SMAD2: variants seen among roughly 807,000 people sequenced by gnomAD.
The protein encoded by SMAD2 is SMAD family member 2, also known as MAD homolog 2.
A neutral mutation model predicts 64.4 loss-of-function variants in SMAD2; 8 were observed. That is an observed-to-expected ratio of 0.12 (90% CI 0.07 to 0.22). The LOEUF (loss-of-function observed/expected upper bound fraction) is 0.22. Among genes scored for constraint, SMAD2 ranks in the 10% least tolerant of loss-of-function variants. The pLI, the probability that SMAD2 is intolerant of heterozygous loss-of-function variation, is 1.00. For synonymous variants in SMAD2, 203 were observed against 195.8 expected (o/e 1.04, Z -0.31); for missense variants, 289 against 561.2 (o/e 0.51, Z 4.90).
chr18:47,850,669 A>G (rs1485620170), intron 7 of SMAD2, among the ~76,000 whole-genome samples: 2 of 28,302 alleles, frequency 7.1e-5, no homozygotes, highest in Non-Finnish European at 1.1e-4. Flanking sequence ...TATATACTAT[A>G]TATATATTAT....
At position 47,835,425 on chromosome 18, in the gene SMAD2, G is replaced by GT; in HGVS notation, c.*6401dup. On this transcript the variant is annotated 3_prime_UTR_variant, in exon 11 of 11. Coordinates refer to ENST00000262160, the MANE Select transcript of SMAD2 (RefSeq NM_005901.6). Reference sequence around the variant, plus strand: ...ATATTCACCAGAAAAGGATCCTCCTGTTTCTCATCAAATTTTTTTTCAGCT... The same window carrying GT: ...ATATTCACCAGAAAAGGATCCTCCTGTTTTCTCATCAAATTTTTTTTCAGCT... 1 of 201,778 alleles carries GT rather than the reference G, an allele frequency of 5.0e-6. No homozygotes were observed. Among genetic ancestry groups the GT allele is most frequent in the Non-Finnish European group, 1.0e-5 (1 of 98,058 alleles). 12.5% of individuals were successfully genotyped at this position (201,778 alleles called of 1,614,324 possible).
intron 1 of SMAD2, among the ~76,000 whole-genome samples, chr18:47,913,643 G>A (rs2034227003): frequency 6.6e-6 from 1 of 152,164 alleles, no homozygotes; most frequent in South Asian, 2.1e-4. Context: ...TTTTTGAAGT[G>A]TAAATAGACT....
intron 10 of SMAD2, among the ~76,000 whole-genome samples, chr18:47,843,397 C>A (rs1261150392): frequency 6.6e-6 from 1 of 152,154 alleles, no homozygotes; most frequent in African/African-American, 2.4e-5. Context: ...CCCTGTCCCA[C>A]TTCCCTTTCT....
chr18:47,845,266 C>T (rs748716515), intron 10 of SMAD2, 74 bp downstream of exon 10: 3 of 1,387,784 alleles, frequency 2.2e-6, no homozygotes, highest in Non-Finnish European at 3.1e-6. Flanking sequence ...TACAAATGAA[C>T]TCCAGAATAT....
chr18:47,842,983 T>G (rs1914119796), intron 10 of SMAD2, among the ~76,000 whole-genome samples: 1 of 152,188 alleles, frequency 6.6e-6, no homozygotes, highest in African/African-American at 2.4e-5. Context: ...AAAAGCCCAT[T>G]ATCAACTCTT....
chr18:47,873,505 T>C (rs1022183773), intron 2 of SMAD2, among the ~76,000 whole-genome samples: 1 of 152,078 alleles, frequency 6.6e-6, no homozygotes, highest in Non-Finnish European at 1.5e-5. Context: ...TTCTAACAAA[T>C]AGTAAAGACC....
At chr18:47,856,003 G>A (rs1328084623) in intron 6 of SMAD2, among the ~76,000 whole-genome samples, 6 of 152,010 alleles carry the variant, frequency 3.9e-5, no homozygotes. Flanking sequence ...AGAAATGGAG[G>A]GTTATACACA....
rs1460121084 is a variant in SMAD2, at chr18:47,836,448, A to T, written c.*5379T>A. ...AATGGTATATTAAATGAACTGCCAA[A>T]TGGCAGATTAAGAAAATTAATGTAC... On this transcript the variant is annotated 3_prime_UTR_variant, in exon 11 of 11. Transcript: ENST00000262160. 4.5e-6 allele frequency: 1 copy of T among 220,598 alleles called. No individual in the cohort carries two copies. Among genetic ancestry groups the T allele is most frequent in the Non-Finnish European group, 9.1e-6 (1 of 110,238 alleles). The allele number at this position is 220,598 out of a possible 1,614,324, so 13.7% of individuals were successfully genotyped here.
At chr18:47,863,245 G>A (rs1194730261) in intron 6 of SMAD2, among the ~76,000 whole-genome samples, 4 of 152,136 alleles carry the variant, frequency 2.6e-5, no homozygotes, top group Non-Finnish European at 4.4e-5. Context: ...ACTGATATTG[G>A]GTAAGAGGCT....
chr18:47,918,649 T>C (rs1214697777), intron 1 of SMAD2, among the ~76,000 whole-genome samples: 2 of 152,196 alleles, frequency 1.3e-5, no homozygotes, highest in African/African-American at 4.8e-5. Context: ...AACATCAACA[T>C]GGCCAGAGAA....
At chr18:47,851,240 T>C (rs781131938) in intron 7 of SMAD2, 34 bp downstream of exon 7, 5 of 1,459,186 alleles carry the variant, frequency 3.4e-6, no homozygotes, top group East Asian at 2.3e-5. Context: ...TGATACAGTA[T>C]AAAAATGATG....
intron 6 of SMAD2, among the ~76,000 whole-genome samples, chr18:47,851,596 C>T (rs1439292872): frequency 2.0e-5 from 3 of 152,050 alleles, no homozygotes; most frequent in Non-Finnish European, 4.4e-5. Context: ...TTGACGGTTC[C>T]TTGGGTATCT....
intron 1 of SMAD2, among the ~76,000 whole-genome samples, chr18:47,926,882 T>A (rs1449699114): frequency 1.3e-5 from 2 of 152,198 alleles, no homozygotes; most frequent in Non-Finnish European, 2.9e-5. Flanking sequence ...TGAATTGTGA[T>A]CACTGAATAA....
intron 9 of SMAD2, 62 bp from the exon 10 acceptor site, chr18:47,845,546 A>G (rs2144288888): frequency 6.3e-7 from 1 of 1,587,028 alleles, no homozygotes; most frequent in South Asian, 1.1e-5. Flanking sequence ...AGTAATTTTA[A>G]AAGGGTTACA....
At chr18:47,846,714 C>T (rs1385531540) in intron 8 of SMAD2, among the ~76,000 whole-genome samples, 1 of 152,092 alleles carries the variant, frequency 6.6e-6, no homozygotes, top group Non-Finnish European at 1.5e-5. Flanking sequence ...AAGAGGACCT[C>T]AAGCTCCAGA....
chr18:47,876,282 A>T (rs79088182), intron 2 of SMAD2, among the ~76,000 whole-genome samples: 5 of 152,034 alleles, frequency 3.3e-5, no homozygotes, highest in African/African-American at 1.2e-4. Flanking sequence ...TGGTCTCATA[A>T]ATTCTGCCTG....
intron 1 of SMAD2, chr18:47,912,414 T>C (rs944725926): frequency 2.0e-5 from 3 of 152,184 alleles, no homozygotes; most frequent in African/African-American, 7.2e-5. Flanking sequence ...TTCATCACTA[T>C]TAGGAATGAG....
At chr18:47,884,132 C>G (rs1433297966) in intron 2 of SMAD2, among the ~76,000 whole-genome samples, 4 of 152,222 alleles carry the variant, frequency 2.6e-5, no homozygotes, top group Non-Finnish European at 4.4e-5. Context: ...ATGCTCTACT[C>G]AGACAGCATC....
intron 1 of SMAD2, among the ~76,000 whole-genome samples, chr18:47,906,503 A>G (rs1261894089): frequency 1.3e-5 from 2 of 152,244 alleles, no homozygotes; most frequent in African/African-American, 4.8e-5. Context: ...AACGCAAACT[A>G]AAACCATAAT....
Sources: allele counts gnomAD v4.1 joint callset (sites outside exome capture counted in the v4.1 genomes callset), GRCh38; gene constraint gnomAD v4.1.1; transcripts MANE v1.5; gene names NCBI Gene and HGNC (gene_info 2026-07-23, HGNC 2026-07-21).